Variants in CYTH3 observed in about 807,000 individuals in gnomAD.
CYTH3 encodes the protein cytohesin 3.
In CYTH3, 23 loss-of-function variants were observed where a neutral mutation model predicts 55.1. The ratio of observed to expected loss-of-function variants is 0.42; its 90% CI spans 0.30 to 0.59. The LOEUF is 0.59. Among genes scored for constraint, CYTH3 ranks in the 20% least tolerant of loss-of-function variants. The pLI, the probability that CYTH3 is intolerant of heterozygous loss-of-function variation, is 0.20. For synonymous variants in CYTH3, 249 were observed against 194.9 expected (o/e 1.28, Z -2.31); for missense variants, 413 against 524.8 (o/e 0.79, Z 2.08).
intron 12 of CYTH3, 87 bp from the exon 13 acceptor site, chr7:6,165,103 AG>A: frequency 6.3e-7 from 1 of 1,583,868 alleles, no homozygotes; most frequent in Non-Finnish European, 8.7e-7. Context: ...CCCCTCAGAC[AG>A]GACCGCAGGC....
chr7:6,229,976 A>C (rs2128553373), intron 1 of CYTH3, among the ~76,000 whole-genome samples: 1 of 152,150 alleles, frequency 6.6e-6, no homozygotes. Flanking sequence ...CTCCACTAAA[A>C]ATACAAAGTC....
chr7:6,259,338 T>C (rs1007015530), intron 1 of CYTH3, among the ~76,000 whole-genome samples: 2 of 152,210 alleles, frequency 1.3e-5, no homozygotes, highest in African/African-American at 2.4e-5. Context: ...AATAGCCCTG[T>C]TGAGAGTTTA....
At position 6,259,929 on chromosome 7, in the gene CYTH3, C is replaced by T. The variant is rs755965541; in HGVS notation, c.34+12545G>A. Among the ~76,000 whole-genome samples, 3 of 142,348 alleles carry T rather than the reference C, an allele frequency of 2.1e-5. No individual in the cohort carries two copies. In the South Asian group the frequency reaches 6.6e-4, roughly 31 times the overall value. The allele number at this position is 142,348 out of a possible 152,430, so 93.4% of individuals were successfully genotyped here. A position where few individuals can be genotyped will look rare whatever the true frequency, so the allele number is the denominator to read the frequency against. On this transcript the variant is annotated intron_variant, in intron 1 of 12. Transcript: ENST00000350796. ...CACCACAACCTCCGCCTCCCAGGTTCAAGTGATTCTCCTGCCTCAGCCTCC... is the reference window on the plus strand; with the variant it reads ...CACCACAACCTCCGCCTCCCAGGTTTAAGTGATTCTCCTGCCTCAGCCTCC...
At chr7:6,183,155 G>GAC (rs1391939525) in intron 4 of CYTH3, among the ~76,000 whole-genome samples, 1 of 152,210 alleles carries the variant, frequency 6.6e-6, no homozygotes, top group African/African-American at 2.4e-5. Flanking sequence ...ATCACTGCTA[G>GAC]ACACAAGGTC....
At chr7:6,203,811 T>G (rs191294935) in intron 1 of CYTH3, among the ~76,000 whole-genome samples, 1,524 of 152,080 alleles carry the variant, frequency 0.01, 29 homozygotes, top group African/African-American at 0.035. Context: ...CTCCGCCTCC[T>G]GGGTTCACAC....
intron 1 of CYTH3, among the ~76,000 whole-genome samples, chr7:6,237,162 C>T (rs972783120): frequency 5.9e-5 from 9 of 152,190 alleles, no homozygotes; most frequent in South Asian, 2.1e-4. Flanking sequence ...TCTCCCAGAG[C>T]GAGTTCTACA....
rs372122966 is a variant in CYTH3, at chr7:6,194,493, C to T, written c.35-3962G>A. ...AAACAAAAAAACCTTGAAAACAACA[C>T]ATGCATTTCAATCTCACCAGACTGT... On this transcript the variant is annotated intron_variant, in intron 1 of 12. Transcript: ENST00000350796. Among the ~76,000 whole-genome samples the T allele has an allele frequency of 6.6e-5, 10 of 152,320 alleles. No individual in the cohort carries two copies. The East Asian group carries it at 9.6e-4, about 15-fold the overall frequency.
intron 4 of CYTH3, among the ~76,000 whole-genome samples, chr7:6,178,346 G>A (rs970507463): frequency 6.6e-6 from 1 of 152,238 alleles, no homozygotes; most frequent in Admixed American, 6.5e-5. Flanking sequence ...TCCCAGGGAC[G>A]CAGCAAGCGG....
At chr7:6,243,686 T>G (rs1779732554) in intron 1 of CYTH3, among the ~76,000 whole-genome samples, 2 of 152,216 alleles carry the variant, frequency 1.3e-5, no homozygotes, top group African/African-American at 4.8e-5. Context: ...GACAAATGAC[T>G]TCCTAGAATA....
At chr7:6,269,671 C>T (rs1317153061) in intron 1 of CYTH3, among the ~76,000 whole-genome samples, 4 of 152,216 alleles carry the variant, frequency 2.6e-5, no homozygotes, top group African/African-American at 9.6e-5. Context: ...ACTCTGCACA[C>T]ACTGTAAGGA....
rs142184977 is a variant in CYTH3, at chr7:6,163,212, C to G, written c.*1732G>C. The G allele has an allele frequency of 1.3e-5, 2 of 152,592 alleles. No individual in the cohort carries two copies. The highest frequency in any genetic ancestry group is 2.9e-5 in the Non-Finnish European group (2 of 68,126). 9.5% of individuals were successfully genotyped at this position (152,592 alleles called of 1,614,324 possible). The stretch of plus-strand genomic sequence containing the variant: ...GTCAGCCGCAGGGAGGCGAAGGGCC[C>G]GCAGCCGCTCGGCCTCCACTTCAAG... On this transcript the variant is annotated 3_prime_UTR_variant, in exon 13 of 13. Transcript: ENST00000350796.
intron 1 of CYTH3, among the ~76,000 whole-genome samples, chr7:6,243,372 C>G (rs1779722255): frequency 6.6e-6 from 1 of 152,328 alleles, no homozygotes; most frequent in South Asian, 2.1e-4. Flanking sequence ...GACAACAAAG[C>G]TAACCGAGCA....
chr7:6,215,239 G>A (rs1784400242), intron 1 of CYTH3, among the ~76,000 whole-genome samples: 3 of 152,188 alleles, frequency 2.0e-5, no homozygotes, highest in Admixed American at 2.0e-4. Flanking sequence ...AGCAGAAGAT[G>A]CTCCACGGTT....
At chr7:6,165,218 C>A in intron 12 of CYTH3, 55 bp downstream of exon 12, 1 of 1,578,768 alleles carries the variant, frequency 6.3e-7, no homozygotes, top group Non-Finnish European at 8.6e-7. Context: ...CCATCCCCCG[C>A]CCTCCAACCG....
intron 1 of CYTH3, among the ~76,000 whole-genome samples, chr7:6,238,805 G>C (rs914881476): frequency 6.6e-6 from 1 of 152,074 alleles, no homozygotes; most frequent in Non-Finnish European, 1.5e-5. Context: ...GGAGTATATG[G>C]GAGCTCTTTA....
intron 1 of CYTH3, among the ~76,000 whole-genome samples, chr7:6,249,343 A>G (rs932864792): frequency 6.6e-6 from 1 of 152,214 alleles, no homozygotes; most frequent in African/African-American, 2.4e-5. Context: ...TTGAGTTCCA[A>G]TTCTCCCCAG....
intron 6 of CYTH3, 122 bp downstream of exon 6, chr7:6,173,531 C>T: frequency 1.4e-6 from 1 of 716,202 alleles, no homozygotes; most frequent in Non-Finnish European, 2.6e-6. Context: ...GAAAAGGAGC[C>T]AGCATCTGTG....
At chr7:6,232,104 T>C (rs1779403396) in intron 1 of CYTH3, among the ~76,000 whole-genome samples, 1 of 152,204 alleles carries the variant, frequency 6.6e-6, no homozygotes, top group Admixed American at 6.5e-5. Context: ...AATGGCTGTC[T>C]TACCTTTTAC....
At chr7:6,216,630 A>G (rs1784433227) in intron 1 of CYTH3, among the ~76,000 whole-genome samples, 1 of 151,848 alleles carries the variant, frequency 6.6e-6, no homozygotes, top group African/African-American at 2.4e-5. Context: ...GGTCCCAGCT[A>G]CACAGGAGGC....
Sources: gnomAD v4.1 joint callset for allele counts (sites outside exome capture counted in the v4.1 genomes callset) on GRCh38, gnomAD v4.1.1 for gene constraint, MANE v1.5 for transcripts, NCBI Gene and HGNC (gene_info 2026-07-23, HGNC 2026-07-21) for gene names.